The following TBPL1 variants were observed in gnomAD, a reference collection of about 807,000 sequenced individuals.
TBPL1 encodes the protein TATA-box binding protein like 1, also known as TATA box-binding protein-like 1.
Under a neutral mutation model 22.1 loss-of-function variants are expected in TBPL1, and 4 were observed. The observed-to-expected ratio is 0.18, with a 90% CI of 0.09 to 0.41. The LOEUF (loss-of-function observed/expected upper bound fraction) is 0.41, where lower values mean the gene tolerates loss of function less well. Ranked by LOEUF, TBPL1 falls within the 10% of genes least tolerant of loss-of-function variation. The pLI is 1.00. For synonymous variants in TBPL1, 64 were observed against 71.0 expected, an observed-to-expected ratio of 0.90 and a Z score of 0.50; for missense variants, 115 against 222.3, an observed-to-expected ratio of 0.52 and a Z score of 3.07.
intron 1 of TBPL1, among the ~76,000 whole-genome samples, chr6:133,969,917 A>G (rs967878258): frequency 6.6e-6 from 1 of 152,242 alleles, no homozygotes; most frequent in Admixed American, 6.5e-5. Flanking sequence ...TCTAGAATGT[A>G]TCTTCATCTA....
chr6:133,952,898 A>G (rs229910), upstream of TBPL1, among the ~76,000 whole-genome samples: 152,297 of 152,298 alleles, frequency 1, 76,148 homozygotes, highest in Middle Eastern at 1. This position sits in a 1 kb window ranked among gnomAD's most constrained non-coding sequence, Gnocchi z 4.5. Flanking sequence ...AAATATACAA[A>G]GGATACACGG....
At position 133,980,154 on chromosome 6, in the gene TBPL1, A is replaced by G; in HGVS notation, c.29A>G (p.Asp10Gly). The G allele has an allele frequency of 6.2e-7, 1 of 1,600,860 alleles. No individual in the cohort carries two copies. The highest frequency in any genetic ancestry group is 8.5e-7 in the Non-Finnish European group (1 of 1,174,272). The change falls in exon 2 of 7, where the codon GAC (aspartate) becomes GGC (glycine). Residue 10 changes from aspartate to glycine, a missense_variant. By Grantham distance (94) the Asp-to-Gly change is moderately conservative. Coordinates refer to ENST00000237264, the MANE Select transcript of TBPL1 (RefSeq NM_004865.4). Reference sequence around the variant, plus strand: ...GATGCAGACAGTGATGTTGCATTGGACATTCTAATTACAAATGTAGTCTGT... The same window carrying G: ...GATGCAGACAGTGATGTTGCATTGGGCATTCTAATTACAAATGTAGTCTGT... MDADSDVAL[D>G]ILITNVVCVF...
chr6:133,958,665 G>A (rs545689383), intron 1 of TBPL1, among the ~76,000 whole-genome samples: 1 of 152,150 alleles, frequency 6.6e-6, no homozygotes, highest in African/African-American at 2.4e-5. Flanking sequence ...AAATGTTTCT[G>A]CCTAAACAAA....
chr6:133,981,878 T>A (rs1172195140), intron 2 of TBPL1, among the ~76,000 whole-genome samples: 4 of 152,264 alleles, frequency 2.6e-5, no homozygotes, highest in African/African-American at 9.6e-5. Flanking sequence ...GACCTATTTA[T>A]ACACACTCTG....
At chr6:133,970,246 C>T (rs1776195849) in intron 1 of TBPL1, among the ~76,000 whole-genome samples, 1 of 152,210 alleles carries the variant, frequency 6.6e-6, no homozygotes, top group Non-Finnish European at 1.5e-5. Context: ...TTTCTTCACA[C>T]AGCTCACTGT....
chr6:133,966,176 ACT>A (rs1454052197), intron 1 of TBPL1, among the ~76,000 whole-genome samples: 2 of 152,030 alleles, frequency 1.3e-5, no homozygotes, highest in Non-Finnish European at 2.9e-5. Flanking sequence ...TTACAGTTAA[ACT>A]CTGCAGACAT....
chr6:133,986,977 T>C lies in TBPL1; in HGVS notation c.498T>C (p.Ala166=). Residue 166 remains alanine, a synonymous_variant, in exon 7 of 7, where the codon GCT becomes GCC. Transcript: ENST00000237264. The part of the protein sequence containing the change: ...SITVTGPNVK[A]VATAVEQIYP... The stretch of plus-strand genomic sequence containing the variant: ...TTATTACAGGGCCCAATGTAAAGGC[T>C]GTTGCTACTGCTGTGGAACAGATTT... The C allele has an allele frequency of 6.2e-7, 1 of 1,609,816 alleles. No homozygotes were observed. Among genetic ancestry groups the C allele is most frequent in the Admixed American group, 1.7e-5 (1 of 59,312 alleles).
At position 133,987,646 on chromosome 6, in the gene TBPL1, G is replaced by GTATATATATATATATATATATATATA. The variant is rs1165164380; in HGVS notation, c.*607_*608insATATATATATATATATATATATATAT. ...ATTTTGTGTGTGTGTGTGTGTGTGT[G>GTATATATATATATATATATATATATA]TGTATATATATATATATATATGCAC... On this transcript the variant is annotated 3_prime_UTR_variant, in exon 7 of 7. Transcript: ENST00000237264. 1 of 133,214 alleles carries GTATATATATATATATATATATATATA rather than the reference G, an allele frequency of 7.5e-6. No homozygotes were observed. Among genetic ancestry groups the GTATATATATATATATATATATATATA allele is most frequent in the Admixed American group, 7.9e-5 (1 of 12,714 alleles). 8.3% of individuals were successfully genotyped at this position (133,214 alleles called of 1,614,324 possible).
intron 1 of TBPL1, among the ~76,000 whole-genome samples, chr6:133,971,255 C>G (rs897853617): frequency 6.6e-6 from 1 of 152,040 alleles, no homozygotes; most frequent in Non-Finnish European, 1.5e-5. Context: ...ACTAACGTCA[C>G]AAATGACAAG....
chr6:133,987,115 C>G lies in TBPL1; in HGVS notation c.*75C>G. 1.1e-6 allele frequency: 1 copy of G among 950,612 alleles called. No homozygotes were observed. The highest frequency in any genetic ancestry group is 1.6e-6 in the Non-Finnish European group (1 of 626,866). The allele number at this position is 950,612 out of a possible 1,614,324, so 58.9% of individuals were successfully genotyped here. A position where few individuals can be genotyped will look rare whatever the true frequency, so the allele number is the denominator to read the frequency against. The stretch of plus-strand genomic sequence containing the variant: ...CTGCACATTGGACTCAAAAGGAAAA[C>G]TGGACCAACAATAATTGAGGAAATA... On this transcript the variant is annotated 3_prime_UTR_variant, in exon 7 of 7. Coordinates refer to ENST00000237264, the MANE Select transcript of TBPL1 (RefSeq NM_004865.4).
At chr6:133,963,748 C>T (rs1776064168) in intron 1 of TBPL1, among the ~76,000 whole-genome samples, 2 of 151,084 alleles carry the variant, frequency 1.3e-5, no homozygotes, top group South Asian at 2.1e-4. Flanking sequence ...CGTTAAGAAC[C>T]GGCCTGGCGC....
Position 133,989,789 on chromosome 6 carries a change from T to C in TBPL1, c.*2749T>C, listed in dbSNP as rs1436509796. 6.6e-6 allele frequency: 1 copy of C among 152,220 alleles called. No homozygotes were observed. The highest frequency in any genetic ancestry group is 1.5e-5 in the Non-Finnish European group (1 of 68,026). The allele number at this position is 152,220 out of a possible 1,614,324, so 9.4% of individuals were successfully genotyped here. A position where few individuals can be genotyped will look rare whatever the true frequency, so the allele number is the denominator to read the frequency against. On this transcript the variant is annotated 3_prime_UTR_variant, in exon 7 of 7. Coordinates refer to ENST00000237264, the MANE Select transcript of TBPL1 (RefSeq NM_004865.4). ...GTTTCCTTATATGACATTGGGACAG[T>C]TTGTTAGGAACCAATAGGAAAATTC... is the stretch of plus-strand genomic sequence containing the variant.
At chr6:133,979,390 A>T (rs1582580981) in intron 1 of TBPL1, among the ~76,000 whole-genome samples, 1 of 152,306 alleles carries the variant, frequency 6.6e-6, no homozygotes, top group African/African-American at 2.4e-5. Context: ...GAAGGGTTAT[A>T]TGCCACTAAT....
At chr6:133,976,420 T>C (rs2114368729) in intron 1 of TBPL1, among the ~76,000 whole-genome samples, 1 of 152,206 alleles carries the variant, frequency 6.6e-6, no homozygotes, top group South Asian at 2.1e-4. Context: ...GTAGGGGAAA[T>C]AGGTGATTCT....
chr6:133,959,305 G>A (rs1775980443), intron 1 of TBPL1, among the ~76,000 whole-genome samples: 1 of 151,816 alleles, frequency 6.6e-6, no homozygotes, highest in Non-Finnish European at 1.5e-5. Flanking sequence ...CTCCCGGAGT[G>A]CTGGGATTAT....
intron 1 of TBPL1, among the ~76,000 whole-genome samples, chr6:133,977,824 T>C (rs1776340600): frequency 6.6e-6 from 1 of 152,198 alleles, no homozygotes; most frequent in African/African-American, 2.4e-5. Flanking sequence ...CTCATCCTCA[T>C]TGTCTCGTGG....
intron 1 of TBPL1, among the ~76,000 whole-genome samples, chr6:133,966,960 T>G (rs9373073): frequency 0.42 from 63,583 of 152,108 alleles, 15,273 homozygotes; most frequent in Non-Finnish European, 0.57. Context: ...AGTTCTTGCT[T>G]CTTTTTTAGC....
At chr6:133,956,748 A>G (rs1290076337) in intron 1 of TBPL1, among the ~76,000 whole-genome samples, 2 of 152,236 alleles carry the variant, frequency 1.3e-5, no homozygotes, top group African/African-American at 4.8e-5. Context: ...CATGCAAATT[A>G]CAAGCAGTGA....
At chr6:133,967,472 C>T (rs1057453762) in intron 1 of TBPL1, among the ~76,000 whole-genome samples, 1 of 152,164 alleles carries the variant, frequency 6.6e-6, no homozygotes, top group African/African-American at 2.4e-5. Flanking sequence ...AGTCATGCAT[C>T]GCTTAATGAC....
Sources: allele counts gnomAD v4.1 joint callset (sites outside exome capture counted in the v4.1 genomes callset), GRCh38; gene constraint gnomAD v4.1.1; non-coding constraint Gnocchi (gnomAD v3.1); transcripts MANE v1.5; gene names NCBI Gene and HGNC (gene_info 2026-07-23, HGNC 2026-07-21).